The following RFX1 variants were observed in gnomAD, a reference collection of about 807,000 sequenced individuals.
The protein encoded by RFX1 is regulatory factor X1, also known as MHC class II regulatory factor RFX1.
A neutral mutation model predicts 119.6 loss-of-function variants in RFX1; 42 were observed. That is an observed-to-expected ratio of 0.35 (90% CI 0.27 to 0.45). RFX1 has a LOEUF of 0.45. Among genes scored for constraint, RFX1 ranks in the 20% least tolerant of loss-of-function variants. The probability of loss-of-function intolerance (pLI) is 1.00; values close to 1 mark genes in which losing one functional copy is unlikely to be tolerated. For missense variants in RFX1, 1,118 were observed against 1,368.1 expected, an observed-to-expected ratio of 0.82 and a Z score of 2.88; for synonymous variants, 628 against 618.5, an observed-to-expected ratio of 1.02 and a Z score of -0.23.
chr19:13,986,327 C>T lies in RFX1; in HGVS notation c.320-2732G>A, dbSNP rs1223031830. ...GGACCTGCTGAGACCAGGTGGCTGT[C>T]TCCAGGAAGCAGCCTTGCCCGTCTC... On this transcript the variant is annotated intron_variant, in intron 2 of 20. Transcript: ENST00000254325. The surrounding 1 kb of genome is among the most constrained non-coding windows in gnomAD (Gnocchi z 4.2). Among the ~76,000 whole-genome samples, 4 of 152,176 alleles carry T rather than the reference C, an allele frequency of 2.6e-5. No individual in the cohort carries two copies. Among genetic ancestry groups the T allele is most frequent in the African/African-American group, 9.7e-5 (4 of 41,442 alleles).
intron 9 of RFX1, among the ~76,000 whole-genome samples, chr19:13,970,393 A>C (rs1204316971): frequency 1.3e-5 from 2 of 152,132 alleles, no homozygotes; most frequent in Non-Finnish European, 2.9e-5. Context: ...TAAATACATT[A>C]AAGGCCGGGC....
In RFX1 at chr19:13,980,595, T is replaced by C; in HGVS notation, c.716A>G (p.Gln239Arg). The change falls in exon 6 of 21, where the codon CAG (glutamine) becomes CGG (arginine). Residue 239 changes from glutamine (Q) to arginine (R), a missense_variant. By Grantham distance (43) the Gln-to-Arg change is conservative (BLOSUM62 1). Transcript: ENST00000254325. The surrounding 1 kb of genome is among the most constrained non-coding windows in gnomAD (Gnocchi z 5.1). ...PQQLQVHGVQ[Q>R]SVPVTQERSV... The stretch of plus-strand genomic sequence containing the variant: ...CACCTCTTGGGTGACGGGGACACTC[T>C]GCTGGACGCCGTGGACCTGCAGCTG... 6.3e-7 allele frequency: 1 copy of C among 1,575,564 alleles called. No homozygotes were observed. The highest frequency in any genetic ancestry group is 8.6e-7 in the Non-Finnish European group (1 of 1,168,042).
intron 18 of RFX1, 77 bp downstream of exon 18, chr19:13,963,461 T>G: frequency 1.4e-6 from 2 of 1,477,118 alleles, no homozygotes; most frequent in Non-Finnish European, 1.8e-6. Flanking sequence ...CGGGTCGTCG[T>G]AGAAGAGCAC....
In RFX1 at chr19:13,966,628, C is replaced by T; in HGVS notation, c.1851+5G>A. The T allele has an allele frequency of 6.3e-7, 1 of 1,584,804 alleles. No homozygotes were observed. Among genetic ancestry groups the T allele is most frequent in the Non-Finnish European group, 8.6e-7 (1 of 1,161,812 alleles). ...TCCACTTGCCTGCCCACCTGGCCAC[C>T]CTACCTCACAGTGTTCCCGGTACAG... On this transcript the variant is annotated splice_donor_5th_base_variant and intron_variant, in intron 13 of 20. Coordinates refer to ENST00000254325, the MANE Select transcript of RFX1 (RefSeq NM_002918.5). This position sits in a 1 kb window ranked among gnomAD's most constrained non-coding sequence, Gnocchi z 6.3.
Position 13,961,888 on chromosome 19 carries a change from A to G in RFX1, c.*807T>C, listed in dbSNP as rs1308707552. ...GGCGCTCACGAATCGCACAATAGTCATGGGGTGGGGGTCGCACGGCACGGA... is the reference window on the plus strand; with the variant it reads ...GGCGCTCACGAATCGCACAATAGTCGTGGGGTGGGGGTCGCACGGCACGGA... On this transcript the variant is annotated 3_prime_UTR_variant, in exon 21 of 21. Transcript: ENST00000254325. 10 of 152,282 alleles carry G rather than the reference A, an allele frequency of 6.6e-5. No homozygotes were observed. Among genetic ancestry groups the G allele is most frequent in the Non-Finnish European group, 1.3e-4 (9 of 68,092 alleles). The allele number at this position is 152,282 out of a possible 1,614,324, so 9.4% of individuals were successfully genotyped here. A position where few individuals can be genotyped will look rare whatever the true frequency, so the allele number is the denominator to read the frequency against.
At position 13,963,237 on chromosome 19, in the gene RFX1, G is replaced by C. The variant is rs1409879987; in HGVS notation, c.2609C>G (p.Ala870Gly). 2 of 1,612,242 alleles carry C rather than the reference G, an allele frequency of 1.2e-6. No homozygotes were observed. ...GATGAGGTGGAAGGAACCGAAGCTG[G>C]CGGCGCTGCGCAGGGTCAGGTCCCG... is the stretch of plus-strand genomic sequence containing the variant. ...VIRDLTLRSA[A>G]SFGSFHLIRL... is the part of the protein sequence containing the mutation. The change falls in exon 19 of 21, where the codon GCC becomes GGC. Residue 870 changes from alanine to glycine, a missense_variant. Ala to Gly is a moderately conservative substitution (Grantham distance 60, BLOSUM62 0). Around this residue, in one of 5 missense-constraint regions of RFX1, gnomAD observed 32 missense variants for 71.5 expected, o/e 0.45. Transcript: ENST00000254325.
chr19:13,975,173 T>C (rs1451701811), intron 8 of RFX1, among the ~76,000 whole-genome samples: 1 of 150,852 alleles, frequency 6.6e-6, no homozygotes, highest in Non-Finnish European at 1.5e-5. Flanking sequence ...CTGGCCAACA[T>C]GATGAAACCC....
At position 13,986,455 on chromosome 19, in the gene RFX1, C is replaced by A. The variant is rs538480992; in HGVS notation, c.320-2860G>T. ...AACAGGTGAGCCTGAGTGACTCATG[C>A]GGATGAGGGCTTCCTGTGCAGCCAT... On this transcript the variant is annotated intron_variant, in intron 2 of 20. Transcript: ENST00000254325. This position sits in a 1 kb window ranked among gnomAD's most constrained non-coding sequence, Gnocchi z 4.2. Among the ~76,000 whole-genome samples, 1 of 152,176 alleles carries A rather than the reference C, an allele frequency of 6.6e-6. No homozygotes were observed. Among genetic ancestry groups the A allele is most frequent in the Non-Finnish European group, 1.5e-5 (1 of 68,030 alleles).
Position 13,962,427 on chromosome 19 carries a change from G to C in RFX1, c.*268C>G, listed in dbSNP as rs926571366. 3 of 489,586 alleles carry C rather than the reference G, an allele frequency of 6.1e-6. No individual in the cohort carries two copies. Among genetic ancestry groups the C allele is most frequent in the Admixed American group, 4.0e-5 (1 of 24,738 alleles). The allele number at this position is 489,586 out of a possible 1,614,324, so 30.3% of individuals were successfully genotyped here. A position where few individuals can be genotyped will look rare whatever the true frequency, so the allele number is the denominator to read the frequency against. ...TGGGGCCTGGGAGGGGGGCGGCCAA[G>C]GGGCCGAGCTGGATGCCCCGCGGGG... On this transcript the variant is annotated 3_prime_UTR_variant, in exon 21 of 21. Transcript: ENST00000254325.
intron 7 of RFX1, among the ~76,000 whole-genome samples, chr19:13,978,787 TG>T (rs1268875013): frequency 1.3e-5 from 2 of 151,954 alleles, no homozygotes; most frequent in Non-Finnish European, 2.9e-5. Context: ...CACTAGCACC[TG>T]GGGGATTCTC....
rs1438636118 is a variant in RFX1 at position 13,968,939 on chromosome 19, G to A, written c.1497-45C>T. On this transcript the variant is annotated intron_variant, in intron 10 of 20. Coordinates refer to ENST00000254325, the MANE Select transcript of RFX1 (RefSeq NM_002918.5). The surrounding 1 kb of genome is among the most constrained non-coding windows in gnomAD (Gnocchi z 5.5). Reference sequence around the variant, plus strand: ...GAAGGGCTGGGCTGGGGGTCTGCCGGCTGGCCGGCCATGGAGCACCTCACA... The same window carrying A: ...GAAGGGCTGGGCTGGGGGTCTGCCGACTGGCCGGCCATGGAGCACCTCACA... 20 of 1,535,656 alleles carry A rather than the reference G, an allele frequency of 1.3e-5. No homozygotes were observed. The African/African-American group carries it at 2.3e-4, about 18-fold the overall frequency.
chr19:13,974,372 C>T (rs1346486893), intron 8 of RFX1, among the ~76,000 whole-genome samples: 1 of 152,070 alleles, frequency 6.6e-6, no homozygotes, highest in African/African-American at 2.4e-5. Flanking sequence ...GGGATGGGCA[C>T]CGGTGACACA....
At chr19:13,988,636 G>C (rs1425086660) in intron 2 of RFX1, among the ~76,000 whole-genome samples, 1 of 152,152 alleles carries the variant, frequency 6.6e-6, no homozygotes, top group East Asian at 1.9e-4. Context: ...GTGCTCCTCA[G>C]TCATTCCACA....
rs1443630343 is a variant in RFX1, at chr19:13,990,148, C to A, written c.319+3377G>T. Among the ~76,000 whole-genome samples, 1 of 152,124 alleles carries A rather than the reference C, an allele frequency of 6.6e-6. No individual in the cohort carries two copies. The highest frequency in any genetic ancestry group is 1.9e-4 in the East Asian group (1 of 5,168). On this transcript the variant is annotated intron_variant, in intron 2 of 20. Coordinates refer to ENST00000254325, the MANE Select transcript of RFX1 (RefSeq NM_002918.5). This position sits in a 1 kb window ranked among gnomAD's most constrained non-coding sequence, Gnocchi z 4.1. Reference sequence around the variant, plus strand: ...ATGAGAGCTGGGACACAGGATGAGGCCATCGTTAAGGGAGAACTACAGGAG... The same window carrying A: ...ATGAGAGCTGGGACACAGGATGAGGACATCGTTAAGGGAGAACTACAGGAG...
At position 13,986,925 on chromosome 19, in the gene RFX1, G is replaced by A. The variant is rs965209716; in HGVS notation, c.320-3330C>T. Among the ~76,000 whole-genome samples the A allele has an allele frequency of 6.6e-6, 1 of 152,118 alleles. No individual in the cohort carries two copies. The highest frequency in any genetic ancestry group is 2.4e-5 in the African/African-American group (1 of 41,428). On this transcript the variant is annotated intron_variant, in intron 2 of 20. Coordinates refer to ENST00000254325, the MANE Select transcript of RFX1 (RefSeq NM_002918.5). This position sits in a 1 kb window ranked among gnomAD's most constrained non-coding sequence, Gnocchi z 4.2. The stretch of plus-strand genomic sequence containing the variant: ...CCTGACCCTCTGCCTCCTGCCCCTG[G>A]GCTCCCTGGGATGATGTCAGTCAGG...
At position 13,966,558 on chromosome 19, in the gene RFX1, G is replaced by C; in HGVS notation, c.1852-28C>G. The C allele has an allele frequency of 6.5e-7, 1 of 1,537,862 alleles. No homozygotes were observed. Among genetic ancestry groups the C allele is most frequent in the Non-Finnish European group, 8.8e-7 (1 of 1,130,956 alleles). ...GTGGCAGAGGCGGATGCTCAGGGAG[G>C]CTGGGGGGCAGCATGGCCCTCCCAT... On this transcript the variant is annotated intron_variant, in intron 13 of 20. Coordinates refer to ENST00000254325, the MANE Select transcript of RFX1 (RefSeq NM_002918.5). The surrounding 1 kb of genome is among the most constrained non-coding windows in gnomAD (Gnocchi z 6.3).
intron 2 of RFX1, among the ~76,000 whole-genome samples, chr19:13,987,304 T>C (rs780497832): frequency 3.3e-5 from 5 of 152,068 alleles, no homozygotes; most frequent in African/African-American, 4.8e-5. Flanking sequence ...CCAGGGAAAC[T>C]TGATCTTCCT....
chr19:13,978,881 G>T (rs908926025), intron 7 of RFX1, among the ~76,000 whole-genome samples: 1 of 152,090 alleles, frequency 6.6e-6, no homozygotes, highest in Non-Finnish European at 1.5e-5. Flanking sequence ...TGCGGCAGGA[G>T]CAGGTGTGGG....
intron 2 of RFX1, among the ~76,000 whole-genome samples, chr19:13,988,742 G>A (rs559198407): frequency 1.1e-4 from 17 of 152,212 alleles, no homozygotes; most frequent in East Asian, 7.7e-4. Flanking sequence ...GAAGACCAGC[G>A]GGGCGCAGTG....
Sources: allele counts gnomAD v4.1 joint callset (sites outside exome capture counted in the v4.1 genomes callset), GRCh38; gene constraint gnomAD v4.1.1; regional missense constraint gnomAD v4.1.1; non-coding constraint Gnocchi (gnomAD v3.1); transcripts MANE v1.5; gene names NCBI Gene and HGNC (gene_info 2026-07-23, HGNC 2026-07-21).